IMPG1: variants seen among roughly 807,000 people sequenced by gnomAD.
IMPG1 encodes the protein interphotoreceptor matrix proteoglycan of 150 kDa.
Under a neutral mutation model 92.0 loss-of-function variants are expected in IMPG1, and 85 were observed. The observed-to-expected ratio is 0.92, with a 90% CI of 0.78 to 1.11. IMPG1 has a LOEUF of 1.11. Ranked by LOEUF, IMPG1 falls within the 50% of genes least tolerant of loss-of-function variation. The pLI, the probability that IMPG1 is intolerant of heterozygous loss-of-function variation, is 0.00. For synonymous variants in IMPG1, 367 were observed against 334.1 expected, an observed-to-expected ratio of 1.10 and a Z score of -1.08; for missense variants, 1,022 against 956.0, an observed-to-expected ratio of 1.07 and a Z score of -0.91.
chr6:75,964,075 A>G (rs1374523010), intron 12 of IMPG1, among the ~76,000 whole-genome samples: 1 of 152,192 alleles, frequency 6.6e-6, no homozygotes. Flanking sequence ...AAGCTCTGAC[A>G]TATTTTGGGG....
chr6:76,066,636 A>G (rs1017779976), intron 1 of IMPG1, among the ~76,000 whole-genome samples: 1 of 152,136 alleles, frequency 6.6e-6, no homozygotes. Context: ...AACACTAGAC[A>G]GCTCATTGAC....
chr6:75,929,147 C>T (rs1418687269), intron 15 of IMPG1, among the ~76,000 whole-genome samples: 1 of 151,600 alleles, frequency 6.6e-6, no homozygotes, highest in East Asian at 1.9e-4. Flanking sequence ...GTACCTGAGT[C>T]AAATTTAAAA....
intron 15 of IMPG1, among the ~76,000 whole-genome samples, chr6:75,926,683 A>G (rs533984709): frequency 1.3e-5 from 2 of 152,186 alleles, no homozygotes; most frequent in Non-Finnish European, 2.9e-5. Context: ...TTTTTTGTGT[A>G]TGTATACTGA....
chr6:75,966,759 G>A (rs1291089035), intron 12 of IMPG1, among the ~76,000 whole-genome samples: 1 of 151,782 alleles, frequency 6.6e-6, no homozygotes, highest in Non-Finnish European at 1.5e-5. Context: ...AGGATAAAAT[G>A]TAGAAGAAAG....
Position 75,945,345 on chromosome 6 carries a change from C to CT in IMPG1, c.2044+1968dup, listed in dbSNP as rs1247870761. The stretch of plus-strand genomic sequence containing the variant: ...TACCATCTCCATTTTCTTTTCTTCT[C>CT]TTTTTTTTTTTTCTTTTTTTTTTTT... On this transcript the variant is annotated intron_variant, in intron 14 of 16. Transcript: ENST00000369950. Among the ~76,000 whole-genome samples, 725 of 134,372 alleles carry CT rather than the reference C, an allele frequency of 5.4e-3. 3 individuals are homozygous for CT. The highest frequency in any genetic ancestry group is 0.017 in the African/African-American group (571 of 34,108). 88.2% of individuals were successfully genotyped at this position (134,372 alleles called of 152,430 possible). A position where few individuals can be genotyped will look rare whatever the true frequency, so the allele number is the denominator to read the frequency against.
At chr6:76,019,758 C>T (rs1783382627) in intron 6 of IMPG1, among the ~76,000 whole-genome samples, 1 of 152,218 alleles carries the variant, frequency 6.6e-6, no homozygotes, top group Non-Finnish European at 1.5e-5. Flanking sequence ...AAAAGTCTGA[C>T]ATGCAGTATT....
At chr6:75,992,553 C>T (rs757519833) in intron 12 of IMPG1, among the ~76,000 whole-genome samples, 15 of 152,084 alleles carry the variant, frequency 9.9e-5, no homozygotes, top group Non-Finnish European at 1.9e-4. Flanking sequence ...TGTATCCATG[C>T]CCCCAAAGCT....
rs759236445 is a variant in IMPG1, at chr6:75,963,001, A to G, written c.1292-11907T>C. 7.9e-5 allele frequency among the ~76,000 whole-genome samples: 12 copies of G among 151,818 alleles called. No homozygotes were observed. In the South Asian group the frequency reaches 1.5e-3, roughly 18 times the overall value. ...GGCTGCGGTGAGCCAAGATTGCCCC[A>G]CTGTACTCCAGCCTAGCCTACAGAG... On this transcript the variant is annotated intron_variant, in intron 12 of 16. Coordinates refer to ENST00000369950, the MANE Select transcript of IMPG1 (RefSeq NM_001563.4).
chr6:76,046,956 T>A (rs1434965971), intron 1 of IMPG1, among the ~76,000 whole-genome samples: 3 of 152,134 alleles, frequency 2.0e-5, no homozygotes, highest in Non-Finnish European at 2.9e-5. Flanking sequence ...ACAAAAATTA[T>A]AAAATAAAAT....
intron 12 of IMPG1, among the ~76,000 whole-genome samples, chr6:75,962,528 G>T (rs1408050779): frequency 2.0e-5 from 3 of 152,094 alleles, no homozygotes; most frequent in African/African-American, 7.2e-5. Context: ...CAGAACAGGA[G>T]AATAAACCCA....
chr6:76,028,900 C>T (rs73466899), intron 4 of IMPG1, among the ~76,000 whole-genome samples: 2,660 of 152,186 alleles, frequency 0.017, 77 homozygotes, highest in African/African-American at 0.06. Context: ...TGGTTCCTTT[C>T]GAATTTGGAA....
At chr6:75,941,111 C>A (rs1237335190) in intron 14 of IMPG1, among the ~76,000 whole-genome samples, 3 of 138,762 alleles carry the variant, frequency 2.2e-5, no homozygotes, top group Non-Finnish European at 4.9e-5. Flanking sequence ...TCCTTGGGGG[C>A]AGAGATGGGG....
chr6:75,961,378 A>G (rs180953309), intron 12 of IMPG1, among the ~76,000 whole-genome samples: 31 of 152,322 alleles, frequency 2.0e-4, no homozygotes, highest in African/African-American at 7.5e-4. Flanking sequence ...GGAATATTAT[A>G]GAGATAGAAA....
At chr6:75,949,183 A>G (rs572693933) in intron 13 of IMPG1, among the ~76,000 whole-genome samples, 1 of 152,234 alleles carries the variant, frequency 6.6e-6, no homozygotes, top group Admixed American at 6.5e-5. Context: ...GAGCTGGGTA[A>G]AATGAGGCTG....
intron 14 of IMPG1, among the ~76,000 whole-genome samples, chr6:75,946,345 A>G (rs1781928941): frequency 6.6e-6 from 1 of 152,094 alleles, no homozygotes; most frequent in African/African-American, 2.4e-5. Flanking sequence ...TTTGGTTTGC[A>G]TTTTGCCCAT....
intron 2 of IMPG1, among the ~76,000 whole-genome samples, chr6:76,039,433 G>T (rs1783797217): frequency 1.3e-5 from 2 of 149,236 alleles, no homozygotes; most frequent in Non-Finnish European, 2.9e-5. Context: ...TTGGCTCACT[G>T]CAACCTCCGC....
At chr6:76,030,112 G>A (rs1260191792) in intron 4 of IMPG1, among the ~76,000 whole-genome samples, 1 of 152,206 alleles carries the variant, frequency 6.6e-6, no homozygotes, top group Admixed American at 6.5e-5. Flanking sequence ...TAAAGGGCAT[G>A]TTAATATCTA....
chr6:76,047,448 T>C (rs1410649904), intron 1 of IMPG1, among the ~76,000 whole-genome samples: 5 of 152,238 alleles, frequency 3.3e-5, no homozygotes, highest in Admixed American at 3.3e-4. Context: ...CTGTTTCAGG[T>C]CCACTATGGG....
intron 12 of IMPG1, among the ~76,000 whole-genome samples, chr6:75,962,096 T>C (rs1365140557): frequency 2.0e-5 from 3 of 150,720 alleles, no homozygotes; most frequent in Admixed American, 6.7e-5. Context: ...ACTTCTGCAA[T>C]TGTACCAATT....
Sources: gnomAD v4.1 joint callset for allele counts (sites outside exome capture counted in the v4.1 genomes callset) on GRCh38, gnomAD v4.1.1 for gene constraint, MANE v1.5 for transcripts, NCBI Gene and HGNC (gene_info 2026-07-23, HGNC 2026-07-21) for gene names.